The following BLNK variants were observed in gnomAD, a reference collection of about 807,000 sequenced individuals.
BLNK encodes the protein B cell linker.
BLNK carries 29 observed loss-of-function variants against 73.5 expected under a neutral mutation model. That is an observed-to-expected ratio of 0.39 (90% CI 0.29 to 0.54). The LOEUF is 0.54. BLNK is among the 20% of genes least tolerant of loss of function. BLNK has a pLI of 0.61. For synonymous variants in BLNK, 176 were observed against 200.8 expected, an observed-to-expected ratio of 0.88 and a Z score of 1.04; for missense variants, 460 against 562.8, an observed-to-expected ratio of 0.82 and a Z score of 1.85.
chr10:96,232,639 C>A (rs1429762280), intron 3 of BLNK, among the ~76,000 whole-genome samples: 1 of 152,140 alleles, frequency 6.6e-6, no homozygotes, highest in Non-Finnish European at 1.5e-5. Context: ...ATGGGTCACA[C>A]TTTGACGTGA....
chr10:96,242,061 AC>A (rs1422814699), intron 3 of BLNK, among the ~76,000 whole-genome samples: 3 of 151,570 alleles, frequency 2.0e-5, no homozygotes, highest in African/African-American at 7.3e-5. Context: ...TTTTCTGTGT[AC>A]CCCCCCAAAT....
At chr10:96,249,788 T>G (rs543012181) in intron 1 of BLNK, among the ~76,000 whole-genome samples, 1 of 152,340 alleles carries the variant, frequency 6.6e-6, no homozygotes, top group East Asian at 1.9e-4. Context: ...CTAGCTATTT[T>G]CAACCACATA....
chr10:96,223,101 C>T (rs1373065556), intron 6 of BLNK, among the ~76,000 whole-genome samples: 1 of 152,074 alleles, frequency 6.6e-6, no homozygotes, highest in African/African-American at 2.4e-5. Context: ...GGCAAAATGG[C>T]AGCGTTTAAC....
intron 11 of BLNK, 124 bp downstream of exon 11, chr10:96,206,886 TG>T: frequency 9.5e-7 from 1 of 1,058,140 alleles, no homozygotes. Context: ...AAAACTATTT[TG>T]TTTAGAAAAT....
intron 5 of BLNK, among the ~76,000 whole-genome samples, chr10:96,224,702 T>C (rs1468102607): frequency 6.6e-6 from 1 of 152,160 alleles, no homozygotes; most frequent in Non-Finnish European, 1.5e-5. Flanking sequence ...AATTTTTTAA[T>C]TTTTTATTTT....
At chr10:96,255,759 A>T (rs782140108) in intron 1 of BLNK, among the ~76,000 whole-genome samples, 11 of 152,120 alleles carry the variant, frequency 7.2e-5, no homozygotes, top group Non-Finnish European at 1.5e-4. Context: ...TCCCCTTTAC[A>T]ACAGGAAAAT....
At chr10:96,213,430 G>A (rs377015567) in intron 8 of BLNK, among the ~76,000 whole-genome samples, 1 of 152,190 alleles carries the variant, frequency 6.6e-6, no homozygotes, top group African/African-American at 2.4e-5. Context: ...GAGACTTCCT[G>A]CAAAGGAGAG....
At chr10:96,254,505 T>TG (rs1564848913) in intron 1 of BLNK, among the ~76,000 whole-genome samples, 2 of 150,860 alleles carry the variant, frequency 1.3e-5, no homozygotes, top group African/African-American at 4.9e-5. Flanking sequence ...ATGAGTTTTT[T>TG]TTTTGTTTTG....
chr10:96,206,335 A>C (rs1241624319), intron 11 of BLNK, among the ~76,000 whole-genome samples: 1 of 152,100 alleles, frequency 6.6e-6, no homozygotes, highest in African/African-American at 2.4e-5. Context: ...TGATTCTTCT[A>C]TTTTTTTCCG....
At chr10:96,259,391 G>A (rs560083456) in intron 1 of BLNK, among the ~76,000 whole-genome samples, 4 of 152,312 alleles carry the variant, frequency 2.6e-5, no homozygotes, top group South Asian at 2.1e-4. Context: ...AGGAGAGGGG[G>A]TAAGGCACAT....
chr10:96,248,727 C>T (rs782058578), intron 1 of BLNK, among the ~76,000 whole-genome samples: 2 of 152,110 alleles, frequency 1.3e-5, no homozygotes, highest in Non-Finnish European at 2.9e-5. Context: ...CAACCCAATG[C>T]TCATTAATCA....
At chr10:96,269,530 A>G (rs1844177464) in intron 1 of BLNK, among the ~76,000 whole-genome samples, 1 of 151,670 alleles carries the variant, frequency 6.6e-6, no homozygotes, top group African/African-American at 2.4e-5. Context: ...TCTCACTGCC[A>G]TGTCCCAAGT....
At chr10:96,260,655 T>G (rs1843713241) in intron 1 of BLNK, among the ~76,000 whole-genome samples, 1 of 152,162 alleles carries the variant, frequency 6.6e-6, no homozygotes, top group African/African-American at 2.4e-5. Flanking sequence ...AGAGTGATTT[T>G]GAGGGATGGC....
chr10:96,264,295 G>A (rs1261466808), intron 1 of BLNK, among the ~76,000 whole-genome samples: 1 of 152,118 alleles, frequency 6.6e-6, no homozygotes, highest in African/African-American at 2.4e-5. Flanking sequence ...AGGCAGTAGC[G>A]GTACCTCTCT....
At chr10:96,258,620 G>C (rs1843619937) in intron 1 of BLNK, among the ~76,000 whole-genome samples, 1 of 152,088 alleles carries the variant, frequency 6.6e-6, no homozygotes, top group Admixed American at 6.5e-5. Flanking sequence ...TACCTCCATG[G>C]CCAGAGGTAA....
rs3748227 is a variant in BLNK, at chr10:96,190,145, C to T, written c.*1828G>A. 0.012 allele frequency: 12,084 copies of T among 974,152 alleles called. 339 individuals are homozygous for T. The highest frequency in any genetic ancestry group is 0.11 in the East Asian group (4,646 of 41,660). 60.3% of individuals were successfully genotyped at this position (974,152 alleles called of 1,614,324 possible). On this transcript the variant is annotated 3_prime_UTR_variant, in exon 17 of 17. Transcript: ENST00000224337. Reference sequence around the variant, plus strand: ...TCCACCTTAAAGTGATCATCTTTGTCGGCCTTTAGTTCACAACTGAAAAGA... The same window carrying T: ...TCCACCTTAAAGTGATCATCTTTGTTGGCCTTTAGTTCACAACTGAAAAGA...
At chr10:96,231,923 T>G (rs587775155) in intron 3 of BLNK, among the ~76,000 whole-genome samples, 3 of 152,360 alleles carry the variant, frequency 2.0e-5, no homozygotes, top group East Asian at 3.9e-4. Flanking sequence ...GGTGCCGTCC[T>G]GGGCTCTGCA....
At chr10:96,257,408 C>T (rs1843565019) in intron 1 of BLNK, among the ~76,000 whole-genome samples, 1 of 152,142 alleles carries the variant, frequency 6.6e-6, no homozygotes, top group Non-Finnish European at 1.5e-5. Context: ...CTCGTGACAG[C>T]GTGGTACCAA....
intron 1 of BLNK, among the ~76,000 whole-genome samples, chr10:96,270,908 A>G (rs541183608): frequency 6.6e-6 from 1 of 152,354 alleles, no homozygotes; most frequent in African/African-American, 2.4e-5. Flanking sequence ...AAAATAAATG[A>G]GACAATAAAA....
Sources: gnomAD v4.1 joint callset for allele counts (sites outside exome capture counted in the v4.1 genomes callset) on GRCh38, gnomAD v4.1.1 for gene constraint, MANE v1.5 for transcripts, NCBI Gene and HGNC (gene_info 2026-07-23, HGNC 2026-07-21) for gene names.